APPBP2: variants seen among roughly 807,000 people sequenced by gnomAD.
The protein encoded by APPBP2 is amyloid protein-binding protein 2.
APPBP2 carries 15 observed loss-of-function variants against 76.0 expected under a neutral mutation model. The ratio of observed to expected loss-of-function variants is 0.20; its 90% confidence interval spans 0.13 to 0.30. The LOEUF is 0.30. APPBP2 is among the 10% of genes least tolerant of loss of function. APPBP2 has a pLI of 1.00. For synonymous variants in APPBP2, 222 were observed against 242.2 expected (o/e 0.92, Z 0.77); for missense variants, 401 against 687.2 (o/e 0.58, Z 4.66).
At chr17:60,515,517 T>A (rs1598376329) in intron 1 of APPBP2, among the ~76,000 whole-genome samples, 1 of 152,188 alleles carries the variant, frequency 6.6e-6, no homozygotes, top group Non-Finnish European at 1.5e-5. Flanking sequence ...GTAACCAGCA[T>A]CCAGATAATA....
intron 2 of APPBP2, among the ~76,000 whole-genome samples, chr17:60,499,251 G>A (rs553196536): frequency 6.6e-6 from 1 of 151,596 alleles, no homozygotes; most frequent in African/African-American, 2.4e-5. Context: ...GGATGGCTTT[G>A]AGCCAAGGAG....
At chr17:60,484,319 A>G (rs2090655665) in intron 3 of APPBP2, among the ~76,000 whole-genome samples, 1 of 152,196 alleles carries the variant, frequency 6.6e-6, no homozygotes, top group Non-Finnish European at 1.5e-5. Flanking sequence ...TACCTTGCAC[A>G]GTACAGCCAT....
At chr17:60,504,137 CTTATT>C (rs769008180) in intron 1 of APPBP2, among the ~76,000 whole-genome samples, 5 of 151,520 alleles carry the variant, frequency 3.3e-5, no homozygotes, top group Non-Finnish European at 5.9e-5. Context: ...ATTTTTAAAA[CTTATT>C]TTAGTTTATA....
chr17:60,452,073 A>C lies in APPBP2; in HGVS notation c.1339-28T>G, dbSNP rs758990402. ...GAAAAACAATTATGCCATATCAATC[A>C]TTATACTTTTTCTCATCTTAACAGT... On this transcript the variant is annotated intron_variant, in intron 11 of 12. Coordinates refer to ENST00000083182, the MANE Select transcript of APPBP2 (RefSeq NM_006380.5). 9 of 1,605,496 alleles carry C rather than the reference A, an allele frequency of 5.6e-6. 1 individual carries two copies. Among genetic ancestry groups the C allele is most frequent in the Admixed American group, 3.5e-5 (2 of 57,328 alleles).
intron 4 of APPBP2, among the ~76,000 whole-genome samples, chr17:60,476,273 A>G (rs1479175382): frequency 1.3e-5 from 2 of 152,208 alleles, no homozygotes; most frequent in African/African-American, 2.4e-5. Flanking sequence ...TGTTAGCCCC[A>G]TATTAGAAAT....
chr17:60,484,041 G>A (rs2090653140), intron 3 of APPBP2, among the ~76,000 whole-genome samples: 1 of 152,130 alleles, frequency 6.6e-6, no homozygotes, highest in Non-Finnish European at 1.5e-5. Context: ...GATGGTTGTA[G>A]ATGTGTGGTA....
chr17:60,499,547 C>T (rs1031363450), intron 2 of APPBP2, among the ~76,000 whole-genome samples: 40 of 152,050 alleles, frequency 2.6e-4, no homozygotes, highest in Non-Finnish European at 1.0e-4. Flanking sequence ...TATAATCCAG[C>T]AATTCAACTT....
chr17:60,453,545 T>G (rs934418080), intron 11 of APPBP2, among the ~76,000 whole-genome samples: 5 of 151,254 alleles, frequency 3.3e-5, no homozygotes, highest in Admixed American at 6.6e-5. Context: ...TGTTTTTTTT[T>G]TTGTTTTTTT....
intron 2 of APPBP2, among the ~76,000 whole-genome samples, chr17:60,496,095 T>C (rs1393366672): frequency 6.6e-6 from 1 of 152,108 alleles, no homozygotes; most frequent in African/African-American, 2.4e-5. Context: ...AGACAGAAAG[T>C]AGATTAATGG....
chr17:60,469,414 A>AT (rs142290033), intron 4 of APPBP2, among the ~76,000 whole-genome samples: 20 of 150,960 alleles, frequency 1.3e-4, no homozygotes, highest in South Asian at 4.2e-4. Context: ...GGGTTTAATA[A>AT]TTTTTTTTTA....
chr17:60,456,237 CT>C, intron 10 of APPBP2, 58 bp downstream of exon 10: 4 of 1,154,660 alleles, frequency 3.5e-6, no homozygotes, highest in Non-Finnish European at 5.2e-6. Context: ...ACAAATACCC[CT>C]ATTTTATACC....
At chr17:60,482,120 A>T (rs574792383) in intron 3 of APPBP2, among the ~76,000 whole-genome samples, 1 of 152,254 alleles carries the variant, frequency 6.6e-6, no homozygotes, top group African/African-American at 2.4e-5. Flanking sequence ...ACCTCAGGAG[A>T]TCCGCCCACC....
chr17:60,491,964 C>T (rs1198788556), intron 3 of APPBP2, among the ~76,000 whole-genome samples: 1 of 152,178 alleles, frequency 6.6e-6, no homozygotes, highest in Non-Finnish European at 1.5e-5. Context: ...CTATCACAGG[C>T]CCAGAGGCCT....
intron 3 of APPBP2, among the ~76,000 whole-genome samples, chr17:60,493,388 TA>T (rs2090746719): frequency 6.6e-6 from 1 of 152,188 alleles, no homozygotes; most frequent in South Asian, 2.1e-4. Context: ...AACACACATC[TA>T]AACAGATTTG....
chr17:60,463,985 C>T, intron 6 of APPBP2, 36 bp downstream of exon 6: 2 of 1,425,076 alleles, frequency 1.4e-6, no homozygotes, highest in South Asian at 1.3e-5. Flanking sequence ...CTGATAAATC[C>T]TATAATTCAT....
intron 4 of APPBP2, among the ~76,000 whole-genome samples, chr17:60,468,143 G>A (rs1019901552): frequency 6.6e-6 from 1 of 152,138 alleles, no homozygotes; most frequent in African/African-American, 2.4e-5. Flanking sequence ...TAGTGTGACT[G>A]AGGCACATTT....
chr17:60,457,589 C>T (rs986453586), intron 9 of APPBP2, among the ~76,000 whole-genome samples: 6 of 151,870 alleles, frequency 4.0e-5, no homozygotes, highest in African/African-American at 1.5e-4. Flanking sequence ...CCATGCCCAA[C>T]TAATTTTTTT....
In APPBP2 at chr17:60,493,319, A is replaced by C. The variant is rs545626718; in HGVS notation, c.379+1147T>G. ...CACAGTGAAACCCTGTCTCAAAATAAAATAATAAAACAAAATAAACAAAAA... is the reference window on the plus strand; with the variant it reads ...CACAGTGAAACCCTGTCTCAAAATACAATAATAAAACAAAATAAACAAAAA... On this transcript the variant is annotated intron_variant, in intron 3 of 12. Coordinates refer to ENST00000083182, the MANE Select transcript of APPBP2 (RefSeq NM_006380.5). 1.6e-3 allele frequency among the ~76,000 whole-genome samples: 240 copies of C among 152,320 alleles called. 1 individual carries two copies. Among genetic ancestry groups the C allele is most frequent in the Non-Finnish European group, 2.9e-3 (199 of 68,018 alleles).
rs377535346 is a variant in APPBP2, at chr17:60,484,852, C to T, written c.380-5581G>A. Among the ~76,000 whole-genome samples the T allele has an allele frequency of 1.9e-3, 284 of 151,962 alleles. 5 individuals carry two copies. In the East Asian group the frequency reaches 0.045, roughly 24 times the overall value. ...CAGTTTTTGCCCATTCAGTATGATA[C>T]TGGCTGTGGGTCTGTCTTAAACGGC... On this transcript the variant is annotated intron_variant, in intron 3 of 12. Coordinates refer to ENST00000083182, the MANE Select transcript of APPBP2 (RefSeq NM_006380.5).
Sources: allele counts gnomAD v4.1 joint callset (sites outside exome capture counted in the v4.1 genomes callset), GRCh38; gene constraint gnomAD v4.1.1; transcripts MANE v1.5; gene names NCBI Gene and HGNC (gene_info 2026-07-23, HGNC 2026-07-21).